UMAD1: variants seen among roughly 807,000 people sequenced by gnomAD.
The protein encoded by UMAD1 is UBAP1-MVB12-associated (UMA) domain containing 1.
UMAD1 carries 8 observed loss-of-function variants against 6.1 expected under a neutral mutation model. The ratio of observed to expected loss-of-function variants is 1.30; its 90% confidence interval spans 0.76 to 2.35. The LOEUF (loss-of-function observed/expected upper bound fraction) is 2.35, where lower values mean the gene tolerates loss of function less well. Ranked by LOEUF, UMAD1 falls within the 30% of genes most tolerant of loss-of-function variation. The probability of loss-of-function intolerance (pLI) is 0.00; values close to 1 mark genes in which losing one functional copy is unlikely to be tolerated. For synonymous variants in UMAD1, 56 were observed against 31.4 expected, an observed-to-expected ratio of 1.78 and a Z score of -2.61; for missense variants, 130 against 78.4, an observed-to-expected ratio of 1.66 and a Z score of -2.49.
chr7:7,789,882 G>A (rs1355791769), intron 2 of UMAD1, among the ~76,000 whole-genome samples: 1 of 151,998 alleles, frequency 6.6e-6, no homozygotes, highest in Non-Finnish European at 1.5e-5. Context: ...TCCACCATTG[G>A]CCATCGTGCA....
chr7:7,666,681 A>T (rs551043021), intron 1 of UMAD1, among the ~76,000 whole-genome samples: 10 of 151,938 alleles, frequency 6.6e-5, no homozygotes, highest in African/African-American at 2.4e-4. Context: ...CCCGGTTTTT[A>T]TTGAGCTGTT....
chr7:7,870,281 G>A (rs1004458073), intron 3 of UMAD1, among the ~76,000 whole-genome samples: 1 of 152,096 alleles, frequency 6.6e-6, no homozygotes, highest in African/African-American at 2.4e-5. Flanking sequence ...AAGGGCAACC[G>A]CTAATAATTT....
At chr7:7,776,405 A>G (rs950230772) in intron 2 of UMAD1, among the ~76,000 whole-genome samples, 3 of 152,250 alleles carry the variant, frequency 2.0e-5, no homozygotes, top group East Asian at 1.9e-4. Flanking sequence ...ATCCATTTAT[A>G]TAGTATTCTC....
intron 3 of UMAD1, among the ~76,000 whole-genome samples, chr7:7,841,176 A>G (rs1783672650): frequency 6.6e-6 from 1 of 152,198 alleles, no homozygotes; most frequent in African/African-American, 2.4e-5. Flanking sequence ...TTCTCTGCAA[A>G]AGGAGTATTA....
intron 2 of UMAD1, among the ~76,000 whole-genome samples, chr7:7,700,763 C>T (rs1780440836): frequency 6.6e-6 from 1 of 152,096 alleles, no homozygotes; most frequent in Non-Finnish European, 1.5e-5. Flanking sequence ...TGGTGGGTGC[C>T]TGTAATCAAA....
chr7:7,872,735 TC>T (rs1282263807), intron 3 of UMAD1, among the ~76,000 whole-genome samples: 1 of 152,166 alleles, frequency 6.6e-6, no homozygotes, highest in Non-Finnish European at 1.5e-5. Context: ...TGCCTATACC[TC>T]CACTTTAGTG....
chr7:7,839,687 A>G (rs1783640051), intron 3 of UMAD1, among the ~76,000 whole-genome samples: 1 of 152,218 alleles, frequency 6.6e-6, no homozygotes, highest in South Asian at 2.1e-4. Context: ...TTCAAGAACA[A>G]AGTTCTTAAG....
intron 1 of UMAD1, among the ~76,000 whole-genome samples, chr7:7,645,971 T>TCGCTG (rs1785084169): frequency 6.6e-6 from 1 of 152,168 alleles, no homozygotes; most frequent in African/African-American, 2.4e-5. Context: ...GCTCGTTTGC[T>TCGCTG]CGGCTGCCGT....
intron 2 of UMAD1, among the ~76,000 whole-genome samples, chr7:7,721,489 TA>T (rs1781048513): frequency 6.6e-6 from 1 of 152,182 alleles, no homozygotes; most frequent in African/African-American, 2.4e-5. Flanking sequence ...CATTTTTCCT[TA>T]AAAGGAAGCT....
At chr7:7,752,050 C>T (rs1040135956) in intron 2 of UMAD1, among the ~76,000 whole-genome samples, 3 of 151,988 alleles carry the variant, frequency 2.0e-5, no homozygotes, top group African/African-American at 7.3e-5. Context: ...ATTATAGACT[C>T]CTAATTTAGG....
At chr7:7,855,114 A>G (rs10278461) in intron 3 of UMAD1, among the ~76,000 whole-genome samples, 41,975 of 152,016 alleles carry the variant, frequency 0.28, 7,427 homozygotes, top group African/African-American at 0.5. Context: ...TTTGCAGGGT[A>G]CAGCCCCTCC....
intron 3 of UMAD1, among the ~76,000 whole-genome samples, chr7:7,859,398 C>T (rs1409855950): frequency 6.6e-6 from 1 of 152,126 alleles, no homozygotes; most frequent in Non-Finnish European, 1.5e-5. Flanking sequence ...TTATATGAGT[C>T]CTTCACATAA....
At chr7:7,679,863 C>T (rs1354884707) in intron 2 of UMAD1, among the ~76,000 whole-genome samples, 3 of 151,464 alleles carry the variant, frequency 2.0e-5, no homozygotes, top group East Asian at 3.9e-4. Flanking sequence ...CTATGCCTGG[C>T]CTGCCCATTT....
intron 1 of UMAD1, among the ~76,000 whole-genome samples, chr7:7,671,479 C>T (rs539917465): frequency 5.9e-5 from 9 of 152,166 alleles, no homozygotes; most frequent in Non-Finnish European, 1.3e-4. Flanking sequence ...TTAGCTGAGG[C>T]TGAGTTTTAA....
At chr7:7,668,849 C>T (rs1426953506) in intron 1 of UMAD1, among the ~76,000 whole-genome samples, 3 of 152,182 alleles carry the variant, frequency 2.0e-5, no homozygotes, top group African/African-American at 4.8e-5. Flanking sequence ...GCAGCTTAAG[C>T]CCTCAAGGCC....
chr7:7,832,326 G>A (rs1370083990), intron 3 of UMAD1, among the ~76,000 whole-genome samples: 1 of 151,964 alleles, frequency 6.6e-6, no homozygotes, highest in Non-Finnish European at 1.5e-5. Flanking sequence ...TTTTCTTTTG[G>A]AATTTTTTTT....
intron 2 of UMAD1, among the ~76,000 whole-genome samples, chr7:7,704,925 A>T (rs1780561030): frequency 6.6e-6 from 1 of 152,182 alleles, no homozygotes; most frequent in Non-Finnish European, 1.5e-5. Context: ...GGCAGATTCT[A>T]AACAGTATTC....
intron 2 of UMAD1, chr7:7,718,725 G>C (rs1212845552): frequency 6.6e-6 from 1 of 152,136 alleles, no homozygotes. Context: ...AATATGGACA[G>C]TAGCAGGCAG....
chr7:7,827,147 A>ATGTGTGTG (rs60211625), intron 3 of UMAD1, among the ~76,000 whole-genome samples: 2 of 134,150 alleles, frequency 1.5e-5, no homozygotes, highest in East Asian at 2.1e-4. Flanking sequence ...ATATATATAT[A>ATGTGTGTG]TGTGTGTGTG....
Sources: gnomAD v4.1 joint callset for allele counts (sites outside exome capture counted in the v4.1 genomes callset) on GRCh38, gnomAD v4.1.1 for gene constraint, MANE v1.5 for transcripts, NCBI Gene and HGNC (gene_info 2026-07-23, HGNC 2026-07-21) for gene names.